Variants in DNMT1 observed in about 807,000 individuals in gnomAD.
The protein encoded by DNMT1 is DNA (cytosine-5)-methyltransferase 1.
Under a neutral mutation model 205.3 loss-of-function variants are expected in DNMT1, and 24 were observed. That is an observed-to-expected ratio of 0.12 (90% CI 0.08 to 0.16). The LOEUF is 0.16. DNMT1 is among the 10% of genes least tolerant of loss of function. The probability of loss-of-function intolerance (pLI) is 1.00; values close to 1 mark genes in which losing one functional copy is unlikely to be tolerated. For missense variants in DNMT1, 1,293 were observed against 2,177.7 expected, an observed-to-expected ratio of 0.59 and a Z score of 8.09; for synonymous variants, 817 against 839.8, an observed-to-expected ratio of 0.97 and a Z score of 0.47.
At position 10,156,641 on chromosome 19, in the gene DNMT1, A is replaced by T; in HGVS notation, c.1281-132T>A. 1.4e-6 allele frequency: 1 copy of T among 709,944 alleles called. No homozygotes were observed. The highest frequency in any genetic ancestry group is 2.5e-6 in the Non-Finnish European group (1 of 398,456). The allele number at this position is 709,944 out of a possible 1,614,324, so 44.0% of individuals were successfully genotyped here. ...CTCTTTTTTTGTTTGTTTTTGAGAC[A>T]GAGTCTTGCTCTATCCCTCAGGCTG... is the stretch of plus-strand genomic sequence containing the variant. On this transcript the variant is annotated intron_variant, in intron 17 of 40. Coordinates refer to ENST00000359526, the MANE Select transcript of DNMT1 (RefSeq NM_001130823.3). This position sits in a 1 kb window ranked among gnomAD's most constrained non-coding sequence, Gnocchi z 4.2.
chr19:10,135,877 G>A (rs1041860627), intron 38 of DNMT1, 25 bp from the exon 39 acceptor site: 5 of 1,540,384 alleles, frequency 3.2e-6, no homozygotes, highest in East Asian at 2.4e-5. Flanking sequence ...CGCGGTGGGC[G>A]AGGGCAGTAG....
At chr19:10,162,789 A>G (rs1451613374) in intron 12 of DNMT1, 41 bp from the exon 13 acceptor site, 1 of 1,603,550 alleles carries the variant, frequency 6.2e-7, no homozygotes, top group Non-Finnish European at 8.5e-7. Context: ...CAGCTTAGAA[A>G]CACTAACCAC....
chr19:10,176,791 G>A (rs374176593), intron 6 of DNMT1, among the ~76,000 whole-genome samples: 1 of 152,164 alleles, frequency 6.6e-6, no homozygotes, highest in Non-Finnish European at 1.5e-5. Flanking sequence ...CCGGGAGGCA[G>A]AGGTTGCAGT....
At position 10,148,031 on chromosome 19, in the gene DNMT1, G is replaced by A. The variant is rs150945621; in HGVS notation, c.2720+853C>T. The stretch of plus-strand genomic sequence containing the variant: ...CTCAGGAGGCTGAGGCAGGAGAATC[G>A]CTTGAACCCAGGAAGTAGAGGTTGC... On this transcript the variant is annotated intron_variant, in intron 27 of 40. Transcript: ENST00000359526. Among the ~76,000 whole-genome samples, 1,093 of 143,922 alleles carry A rather than the reference G, an allele frequency of 7.6e-3. 6 individuals are homozygous for A. Among genetic ancestry groups the A allele is most frequent in the Non-Finnish European group, 0.013 (839 of 66,812 alleles). 94.4% of individuals were successfully genotyped at this position (143,922 alleles called of 152,430 possible).
intron 7 of DNMT1, among the ~76,000 whole-genome samples, chr19:10,174,855 A>G (rs2038901606): frequency 6.6e-6 from 1 of 151,820 alleles, no homozygotes; most frequent in African/African-American, 2.4e-5. Flanking sequence ...GCAACATGGG[A>G]GACCAGCCTG....
chr19:10,188,410 C>T (rs764638689), intron 1 of DNMT1, among the ~76,000 whole-genome samples: 8 of 152,074 alleles, frequency 5.3e-5, no homozygotes, highest in African/African-American at 1.7e-4. Flanking sequence ...CTTGGTGGCT[C>T]ACGCCTGTAA....
intron 5 of DNMT1, 23 bp from the exon 6 acceptor site, chr19:10,177,390 T>TA (rs768710052): frequency 6.3e-7 from 1 of 1,599,032 alleles, no homozygotes; most frequent in South Asian, 1.1e-5. Context: ...GAAAAAGCAT[T>TA]AAAAAGAAAA....
chr19:10,155,396 G>A (rs2145310066), intron 19 of DNMT1, among the ~76,000 whole-genome samples: 1 of 152,032 alleles, frequency 6.6e-6, no homozygotes, highest in East Asian at 1.9e-4. Context: ...GGAGGGCAGT[G>A]GCGTGATCTC....
chr19:10,188,707 C>A (rs891007807), intron 1 of DNMT1, among the ~76,000 whole-genome samples: 3 of 152,164 alleles, frequency 2.0e-5, no homozygotes, highest in African/African-American at 7.2e-5. Flanking sequence ...ATCACTTCAG[C>A]CCTTAAGAAC....
intron 12 of DNMT1, chr19:10,163,055 C>T (rs989588573): frequency 1.4e-5 from 8 of 562,478 alleles, no homozygotes; most frequent in Non-Finnish European, 2.2e-5. Flanking sequence ...ACCTCCACCT[C>T]CTGGCTTCTA....
chr19:10,194,474 A>T (rs2039363668), intron 1 of DNMT1: 1 of 199,792 alleles, frequency 5.0e-6, no homozygotes, highest in Admixed American at 6.2e-5. Flanking sequence ...CTGTGCGACC[A>T]AGCTGGAGTC....
chr19:10,149,471 G>A lies in DNMT1; in HGVS notation c.2568C>T (p.Ser856=), dbSNP rs548552858. The change falls in exon 26 of 41, where the codon TCC becomes TCT. Residue 856 remains serine (S), a synonymous_variant. Transcript: ENST00000359526. The part of the protein sequence containing the change: ...SKVKVIYKAP[S]ENWAMEGGMD... Reference sequence around the variant, plus strand: ...CACTCACCTCCATGGCCCAGTTTTCGGAGGGGGCTTTGTAGATGACTTTCA... The same window carrying A: ...CACTCACCTCCATGGCCCAGTTTTCAGAGGGGGCTTTGTAGATGACTTTCA... 44 of 1,614,124 alleles carry A rather than the reference G, an allele frequency of 2.7e-5. No individual in the cohort carries two copies. The South Asian group carries it at 2.7e-4, about 10-fold the overall frequency.
At chr19:10,189,283 C>A (rs1364156347) in intron 1 of DNMT1, among the ~76,000 whole-genome samples, 1 of 152,098 alleles carries the variant, frequency 6.6e-6, no homozygotes, top group African/African-American at 2.4e-5. Flanking sequence ...CCATGCCTGG[C>A]TAATTTTTTT....
chr19:10,157,265 T>C (rs936676301), intron 17 of DNMT1, among the ~76,000 whole-genome samples: 3 of 152,056 alleles, frequency 2.0e-5, no homozygotes, highest in African/African-American at 7.3e-5. Context: ...AATTCACCTA[T>C]TCAAGATACC....
chr19:10,138,750 C>T lies in DNMT1; in HGVS notation c.3949-145G>A. 1.8e-6 allele frequency: 2 copies of T among 1,096,374 alleles called. No homozygotes were observed. The highest frequency in any genetic ancestry group is 1.5e-5 in the South Asian group (1 of 64,984). The allele number at this position is 1,096,374 out of a possible 1,614,324, so 67.9% of individuals were successfully genotyped here. A position where few individuals can be genotyped will look rare whatever the true frequency, so the allele number is the denominator to read the frequency against. Reference sequence around the variant, plus strand: ...TTGCAGAAATCCCCAGTTACCTCAGCAGGCGTGCTCCTGGTCAGAGGAGTT... The same window carrying T: ...TTGCAGAAATCCCCAGTTACCTCAGTAGGCGTGCTCCTGGTCAGAGGAGTT... On this transcript the variant is annotated intron_variant, in intron 34 of 40. Coordinates refer to ENST00000359526, the MANE Select transcript of DNMT1 (RefSeq NM_001130823.3). The surrounding 1 kb of genome is among the most constrained non-coding windows in gnomAD (Gnocchi z 4.1).
chr19:10,147,754 G>A (rs2038229609), intron 27 of DNMT1, among the ~76,000 whole-genome samples: 1 of 152,146 alleles, frequency 6.6e-6, no homozygotes, highest in Non-Finnish European at 1.5e-5. Context: ...GGTGCTGGCT[G>A]CTGCTTTTAG....
At chr19:10,175,950 C>G (rs940131119) in intron 6 of DNMT1, among the ~76,000 whole-genome samples, 1 of 152,114 alleles carries the variant, frequency 6.6e-6, no homozygotes, top group Non-Finnish European at 1.5e-5. Context: ...TGAGGATCAC[C>G]TGAGTTCAGG....
intron 28 of DNMT1, 73 bp from the exon 29 acceptor site, chr19:10,144,060 T>C (rs1009838172): frequency 5.5e-6 from 8 of 1,446,658 alleles, no homozygotes; most frequent in Non-Finnish European, 6.8e-6. Flanking sequence ...GACTGACCAG[T>C]GAAAATAACC....
At chr19:10,182,518 T>A (rs959455892) in intron 1 of DNMT1, among the ~76,000 whole-genome samples, 9 of 144,536 alleles carry the variant, frequency 6.2e-5, no homozygotes, top group African/African-American at 2.3e-4. Context: ...TATATACATA[T>A]ATATGTGTAT....
Sources: allele counts gnomAD v4.1 joint callset (sites outside exome capture counted in the v4.1 genomes callset), GRCh38; gene constraint gnomAD v4.1.1; non-coding constraint Gnocchi (gnomAD v3.1); transcripts MANE v1.5; gene names NCBI Gene and HGNC (gene_info 2026-07-23, HGNC 2026-07-21).